Variants in TP63 observed in about 807,000 individuals in gnomAD.
TP63 encodes tumor protein 63.
TP63 carries 17 observed loss-of-function variants against 82.8 expected under a neutral mutation model. The ratio of observed to expected loss-of-function variants is 0.21; its 90% CI spans 0.14 to 0.31. The LOEUF is 0.31. Ranked by LOEUF, TP63 falls within the 10% of genes least tolerant of loss-of-function variation. The pLI, the probability that TP63 is intolerant of heterozygous loss-of-function variation, is 1.00. For missense variants in TP63, 648 were observed against 895.3 expected (o/e 0.72, Z 3.52); for synonymous variants, 330 against 321.7 (o/e 1.03, Z -0.28).
intron 3 of TP63, among the ~76,000 whole-genome samples, chr3:189,744,064 T>C (rs1422332666): frequency 6.6e-6 from 1 of 152,124 alleles, no homozygotes; most frequent in Non-Finnish European, 1.5e-5. Context: ...GACTGCATCC[T>C]ACCCTGGTGC....
intron 3 of TP63, chr3:189,789,681 G>A (rs1724925231): frequency 1.4e-6 from 2 of 1,451,934 alleles, no homozygotes; most frequent in African/African-American, 3.0e-5. Context: ...GAGAGAGAGG[G>A]ACTTGAGTTC....
At chr3:189,645,698 C>T (rs1712366373) in intron 1 of TP63, among the ~76,000 whole-genome samples, 1 of 138,178 alleles carries the variant, frequency 7.2e-6, no homozygotes, top group African/African-American at 2.8e-5. Context: ...ATGTTCCCTG[C>T]CCTGTGTCCA....
rs148799881 is a variant in TP63 at position 189,687,899 on chromosome 3, T to C, written c.63-49841T>C. 5.9e-5 allele frequency among the ~76,000 whole-genome samples: 9 copies of C among 152,300 alleles called. No homozygotes were observed. The East Asian group carries it at 1.7e-3, about 29-fold the overall frequency. On this transcript the variant is annotated intron_variant, in intron 1 of 13. Transcript: ENST00000264731. The stretch of plus-strand genomic sequence containing the variant: ...ACATAAAAACTGTGAAGCAAACAGT[T>C]GGAGATCCTTTGGAAGGACATCTGT...
intron 1 of TP63, among the ~76,000 whole-genome samples, chr3:189,703,431 G>GATAGATAGATAGATAGATAGAT (rs1378272672): frequency 6.6e-6 from 1 of 150,906 alleles, no homozygotes; most frequent in Non-Finnish European, 1.5e-5. Flanking sequence ...GTCTAAAATA[G>GATAGATAGATAGATAGATAGAT]ATAGATAGAT....
chr3:189,607,500 A>G, the TP63 span, among the ~76,000 whole-genome samples: 84,234 of 151,946 alleles, frequency 0.55, 24,874 homozygotes, highest in East Asian at 0.95. Flanking sequence ...AATTTTTCCT[A>G]GTTGTGAAAT....
At chr3:189,819,856 ACT>A (rs1728617120) in intron 4 of TP63, among the ~76,000 whole-genome samples, 1 of 149,286 alleles carries the variant, frequency 6.7e-6, no homozygotes, top group African/African-American at 2.5e-5. Flanking sequence ...GGTTCAAGCA[ACT>A]CTCTGCCTCA....
intron 4 of TP63, among the ~76,000 whole-genome samples, chr3:189,846,478 C>G (rs908262519): frequency 1.3e-5 from 2 of 152,104 alleles, no homozygotes; most frequent in Non-Finnish European, 2.9e-5. Flanking sequence ...TTAGGCTCAT[C>G]ATTCTTGCCC....
intron 4 of TP63, among the ~76,000 whole-genome samples, chr3:189,840,876 A>AAAC (rs1714010526): frequency 6.7e-6 from 1 of 148,804 alleles, no homozygotes. Flanking sequence ...AAAAAAAAAA[A>AAAC]AACAACTATT....
chr3:189,850,213 T>G (rs1381014651), intron 4 of TP63, among the ~76,000 whole-genome samples: 2 of 151,776 alleles, frequency 1.3e-5, no homozygotes, highest in Admixed American at 1.3e-4. Context: ...ACCCAGGAGG[T>G]GGGTGTTGCA....
chr3:189,765,673 T>C (rs1254061690), intron 3 of TP63, among the ~76,000 whole-genome samples: 2 of 151,776 alleles, frequency 1.3e-5, no homozygotes, highest in Non-Finnish European at 1.5e-5. Flanking sequence ...GACCTCATGA[T>C]CCGCCCACCT....
chr3:189,753,522 T>C (rs1721972113), intron 3 of TP63, among the ~76,000 whole-genome samples: 2 of 152,042 alleles, frequency 1.3e-5, no homozygotes, highest in African/African-American at 4.8e-5. Context: ...CCTTTTACTT[T>C]TAACCTACTT....
chr3:189,596,819 G>C, the TP63 span, among the ~76,000 whole-genome samples: 1 of 152,128 alleles, frequency 6.6e-6, no homozygotes, highest in Non-Finnish European at 1.5e-5. Flanking sequence ...TCTTGCTACT[G>C]CTCACTCTTT....
the TP63 span, among the ~76,000 whole-genome samples, chr3:189,614,852 C>G: frequency 6.6e-6 from 1 of 152,148 alleles, no homozygotes; most frequent in African/African-American, 2.4e-5. Flanking sequence ...CTTTGGGAAC[C>G]GAACTGGACA....
chr3:189,729,292 A>C (rs1052021558), intron 1 of TP63, among the ~76,000 whole-genome samples: 1 of 152,222 alleles, frequency 6.6e-6, no homozygotes, highest in Non-Finnish European at 1.5e-5. Context: ...CCTCAGAATT[A>C]ATGACTGCCA....
chr3:189,768,402 A>G (rs1723105303), intron 3 of TP63, among the ~76,000 whole-genome samples: 1 of 152,092 alleles, frequency 6.6e-6, no homozygotes, highest in South Asian at 2.1e-4. Flanking sequence ...GTATTTTGGT[A>G]GCGATGTTAT....
chr3:189,678,743 G>A (rs1400723557), intron 1 of TP63, among the ~76,000 whole-genome samples: 1 of 151,836 alleles, frequency 6.6e-6, no homozygotes, highest in Non-Finnish European at 1.5e-5. Flanking sequence ...ATGTGTTTGT[G>A]TCATCCAAAA....
At chr3:189,789,551 G>T in intron 3 of TP63, 2 of 654,248 alleles carry the variant, frequency 3.1e-6, no homozygotes, top group East Asian at 3.9e-5. Flanking sequence ...TCACTCCATT[G>T]GAGTGGAGGA....
At chr3:189,868,240 GT>G (rs112285694) in intron 7 of TP63, among the ~76,000 whole-genome samples, 2 of 152,104 alleles carry the variant, frequency 1.3e-5, no homozygotes, top group South Asian at 2.1e-4. Context: ...GCATTTCACA[GT>G]TTTTTTTAAG....
intron 4 of TP63, among the ~76,000 whole-genome samples, chr3:189,828,630 A>C (rs1711815770): frequency 6.6e-6 from 1 of 152,202 alleles, no homozygotes; most frequent in South Asian, 2.1e-4. Flanking sequence ...TCTGCCTTGC[A>C]CTAGAAATGT....
Sources: gnomAD v4.1 joint callset for allele counts (sites outside exome capture counted in the v4.1 genomes callset) on GRCh38, gnomAD v4.1.1 for gene constraint, MANE v1.5 for transcripts, NCBI Gene and HGNC (gene_info 2026-07-23, HGNC 2026-07-21) for gene names.